PTPRK: variants seen among roughly 807,000 people sequenced by gnomAD.
PTPRK encodes the protein receptor-type tyrosine-protein phosphatase kappa.
In PTPRK, 75 loss-of-function variants were observed where a neutral mutation model predicts 178.0. That is an observed-to-expected ratio of 0.42 (90% confidence interval 0.35 to 0.51). The LOEUF (loss-of-function observed/expected upper bound fraction) is 0.51, where lower values mean the gene tolerates loss of function less well. Among genes scored for constraint, PTPRK ranks in the 20% least tolerant of loss-of-function variants. The pLI is 0.02. For synonymous variants in PTPRK, 637 were observed against 620.6 expected, an observed-to-expected ratio of 1.03 and a Z score of -0.39; for missense variants, 1,441 against 1,797.8, an observed-to-expected ratio of 0.80 and a Z score of 3.59.
intron 1 of PTPRK, among the ~76,000 whole-genome samples, chr6:128,476,849 A>G (rs1025591649): frequency 6.6e-6 from 1 of 151,856 alleles, no homozygotes; most frequent in Non-Finnish European, 1.5e-5. Flanking sequence ...GATGATGACA[A>G]ATTTCAACGA....
chr6:128,270,488 A>T (rs192468178), intron 3 of PTPRK, among the ~76,000 whole-genome samples: 3 of 152,274 alleles, frequency 2.0e-5, no homozygotes, highest in Non-Finnish European at 4.4e-5. Context: ...CCCTAACATT[A>T]GGAAGACACA....
chr6:128,234,798 C>A (rs1812926475), intron 5 of PTPRK, among the ~76,000 whole-genome samples: 1 of 152,070 alleles, frequency 6.6e-6, no homozygotes, highest in South Asian at 2.1e-4. Flanking sequence ...TTGTACAAGT[C>A]TTTTTGTGGG....
intron 6 of PTPRK, among the ~76,000 whole-genome samples, chr6:128,203,579 G>A (rs906724908): frequency 6.6e-6 from 1 of 152,158 alleles, no homozygotes; most frequent in African/African-American, 2.4e-5. Flanking sequence ...CTTCAGCAAA[G>A]TCTCAGGATA....
intron 1 of PTPRK, chr6:128,518,999 A>T (rs1051414049): frequency 1.9e-6 from 1 of 513,528 alleles, no homozygotes; most frequent in Non-Finnish European, 4.0e-6. Context: ...TGTCAGGTAC[A>T]AAGTAAGTTA....
intron 2 of PTPRK, among the ~76,000 whole-genome samples, chr6:128,358,057 A>G (rs1381072572): frequency 6.6e-6 from 1 of 152,228 alleles, no homozygotes; most frequent in East Asian, 1.9e-4. Flanking sequence ...CTGTGAGCTT[A>G]TCCCAAAGTT....
intron 2 of PTPRK, among the ~76,000 whole-genome samples, chr6:128,377,061 C>T (rs1837201518): frequency 6.6e-6 from 1 of 152,210 alleles, no homozygotes; most frequent in Non-Finnish European, 1.5e-5. Flanking sequence ...TCCCTCTAAA[C>T]TGTTCTAACC....
intron 1 of PTPRK, among the ~76,000 whole-genome samples, chr6:128,456,063 T>C (rs1025654591): frequency 6.6e-6 from 1 of 152,112 alleles, no homozygotes; most frequent in Non-Finnish European, 1.5e-5. Flanking sequence ...CAGCTTGTTT[T>C]ATCATGAATC....
At chr6:128,504,119 G>T (rs148695150) in intron 1 of PTPRK, among the ~76,000 whole-genome samples, 1 of 152,042 alleles carries the variant, frequency 6.6e-6, no homozygotes, top group Non-Finnish European at 1.5e-5. Flanking sequence ...AAGACAACAC[G>T]TGATGTAACT....
At chr6:128,269,122 T>C (rs1819393710) in intron 3 of PTPRK, among the ~76,000 whole-genome samples, 1 of 151,988 alleles carries the variant, frequency 6.6e-6, no homozygotes, top group Admixed American at 6.6e-5. Context: ...CAAGAATACC[T>C]AAGTACTTAA....
At chr6:128,156,886 G>A (rs1348326348) in intron 7 of PTPRK, among the ~76,000 whole-genome samples, 1 of 151,908 alleles carries the variant, frequency 6.6e-6, no homozygotes, top group Non-Finnish European at 1.5e-5. Flanking sequence ...AACACGATTT[G>A]TAAAGTCAGA....
intron 1 of PTPRK, among the ~76,000 whole-genome samples, chr6:128,479,735 GCTTTT>G (rs1157535590): frequency 2.6e-5 from 4 of 151,982 alleles, no homozygotes. Flanking sequence ...GGAGAAAAAA[GCTTTT>G]CTTTTCTCAC....
chr6:128,367,925 A>T (rs1294331493), intron 2 of PTPRK, among the ~76,000 whole-genome samples: 6 of 152,222 alleles, frequency 3.9e-5, no homozygotes, highest in Non-Finnish European at 7.3e-5. Flanking sequence ...TTACAATGTT[A>T]GTTCAATTTT....
intron 3 of PTPRK, among the ~76,000 whole-genome samples, chr6:128,303,211 A>G (rs971172988): frequency 1.3e-5 from 2 of 152,166 alleles, no homozygotes; most frequent in African/African-American, 4.8e-5. Context: ...TCTGACCTAC[A>G]GTCGCTAAAT....
chr6:128,382,356 A>G (rs181012147), intron 2 of PTPRK, among the ~76,000 whole-genome samples: 1 of 151,848 alleles, frequency 6.6e-6, no homozygotes, highest in Non-Finnish European at 1.5e-5. Flanking sequence ...GTGTCCATTT[A>G]AAAATGGACA....
chr6:128,428,940 T>C (rs1844496718), intron 1 of PTPRK, among the ~76,000 whole-genome samples: 1 of 152,260 alleles, frequency 6.6e-6, no homozygotes, highest in Non-Finnish European at 1.5e-5. Flanking sequence ...GTAAATGTTC[T>C]GAACATATTT....
intron 11 of PTPRK, among the ~76,000 whole-genome samples, chr6:128,073,728 A>G (rs59408344): frequency 0.089 from 13,468 of 152,008 alleles, 2,076 homozygotes; most frequent in African/African-American, 0.31. Flanking sequence ...CCTATTTTTG[A>G]TTAGAAAAAT....
At chr6:127,994,087 GA>G (rs1166764346) in intron 18 of PTPRK, among the ~76,000 whole-genome samples, 1 of 151,504 alleles carries the variant, frequency 6.6e-6, no homozygotes. Flanking sequence ...TTTATATAAT[GA>G]ATAAGAGTAA....
chr6:128,369,038 A>G (rs993647239), intron 2 of PTPRK, among the ~76,000 whole-genome samples: 1 of 152,172 alleles, frequency 6.6e-6, no homozygotes, highest in Admixed American at 6.6e-5. Context: ...GTTCTTTTAA[A>G]GAGCCTTGGC....
intron 1 of PTPRK, among the ~76,000 whole-genome samples, chr6:128,516,706 G>A (rs1045916638): frequency 5.9e-5 from 9 of 152,148 alleles, no homozygotes; most frequent in African/African-American, 1.9e-4. Context: ...AGGATCTCGA[G>A]CTGTATTTCC....
Sources: allele counts gnomAD v4.1 joint callset (sites outside exome capture counted in the v4.1 genomes callset), GRCh38; gene constraint gnomAD v4.1.1; transcripts MANE v1.5; gene names NCBI Gene and HGNC (gene_info 2026-07-23, HGNC 2026-07-21).